LIN7C: variants seen among roughly 807,000 people sequenced by gnomAD.
LIN7C encodes protein lin-7 homolog C.
A neutral mutation model predicts 24.7 loss-of-function variants in LIN7C; 17 were observed. The ratio of observed to expected loss-of-function variants is 0.69; its 90% CI spans 0.47 to 1.03. LIN7C has a LOEUF of 1.03. LIN7C is among the 50% of genes least tolerant of loss of function. LIN7C has a pLI of 0.00. For synonymous variants in LIN7C, 90 were observed against 83.4 expected (o/e 1.08, Z -0.43); for missense variants, 204 against 239.0 (o/e 0.85, Z 0.97).
At position 27,499,410 on chromosome 11, in the gene LIN7C, A is replaced by G. The variant is rs375407727; in HGVS notation, c.387T>C (p.Asp129=). 1.9e-6 allele frequency: 3 copies of G among 1,613,976 alleles called. No homozygotes were observed. The African/African-American group carries it at 4.0e-5, about 22-fold the overall frequency. The change falls in exon 4 of 5, where the codon GAT becomes GAC. Residue 129 remains aspartate (D), a synonymous_variant. Coordinates refer to ENST00000278193, the MANE Select transcript of LIN7C (RefSeq NM_018362.4). The part of the protein sequence containing the change: ...ISRIIPGGIA[D]RHGGLKRGDQ... ...CTCCACGTTTGAGGCCCCCATGTCTATCAGCAATTCCACCTGGAATTATTC... is the reference window on the plus strand; with the variant it reads ...CTCCACGTTTGAGGCCCCCATGTCTGTCAGCAATTCCACCTGGAATTATTC...
At chr11:27,500,938 CTGA>C (rs1244531742) in intron 3 of LIN7C, among the ~76,000 whole-genome samples, 1 of 152,196 alleles carries the variant, frequency 6.6e-6, no homozygotes, top group Non-Finnish European at 1.5e-5. Context: ...TCACCGACTG[CTGA>C]TATTACCCTG....
At chr11:27,504,792 G>T (rs1348763611) in intron 1 of LIN7C, among the ~76,000 whole-genome samples, 2 of 152,042 alleles carry the variant, frequency 1.3e-5, no homozygotes, top group Admixed American at 6.6e-5. Context: ...CATTGTTTAG[G>T]GAATAAGGAC....
In LIN7C at chr11:27,501,938, C is replaced by A. The variant is rs370494030; in HGVS notation, c.38-18G>T. 4 of 1,470,284 alleles carry A rather than the reference C, an allele frequency of 2.7e-6. No individual in the cohort carries two copies. The highest frequency in any genetic ancestry group is 2.3e-5 in the East Asian group (1 of 44,216). 91.1% of individuals were successfully genotyped at this position (1,470,284 alleles called of 1,614,324 possible). A position where few individuals can be genotyped will look rare whatever the true frequency, so the allele number is the denominator to read the frequency against. ...ACAAATATCTAGAGTTAAACACACACACAGATAATTTTCTCCAAGGGTTTT... is the reference window on the plus strand; with the variant it reads ...ACAAATATCTAGAGTTAAACACACAAACAGATAATTTTCTCCAAGGGTTTT... On this transcript the variant is annotated intron_variant, in intron 1 of 4. Transcript: ENST00000278193.
At chr11:27,499,314 T>C in intron 4 of LIN7C, 45 bp downstream of exon 4, 2 of 1,517,706 alleles carry the variant, frequency 1.3e-6, no homozygotes, top group Non-Finnish European at 1.8e-6. Flanking sequence ...CGCCCCCAGG[T>C]GGTCACAACA....
chr11:27,499,906 C>T (rs555587323), intron 3 of LIN7C, among the ~76,000 whole-genome samples: 5 of 152,166 alleles, frequency 3.3e-5, no homozygotes, highest in East Asian at 3.8e-4. Flanking sequence ...GGATTACAGG[C>T]GTGAGCCACT....
intron 1 of LIN7C, among the ~76,000 whole-genome samples, chr11:27,503,575 G>A (rs557790294): frequency 1.3e-5 from 2 of 151,450 alleles, no homozygotes; most frequent in East Asian, 2.0e-4. Flanking sequence ...GTGCAGTGGC[G>A]CAATCTCCAC....
rs1372322480 is a variant in LIN7C at position 27,496,475 on chromosome 11, T to G, written c.*2174A>C. 3.9e-5 allele frequency: 6 copies of G among 152,220 alleles called. No homozygotes were observed. Among genetic ancestry groups the G allele is most frequent in the African/African-American group, 1.2e-4 (5 of 41,466 alleles). The allele number at this position is 152,220 out of a possible 1,614,324, so 9.4% of individuals were successfully genotyped here. On this transcript the variant is annotated 3_prime_UTR_variant, in exon 5 of 5. Coordinates refer to ENST00000278193, the MANE Select transcript of LIN7C (RefSeq NM_018362.4). ...TTGCCAATGAATGACTGTATTTTTC[T>G]ATGGTCAAGATTTAAAATTCTGGGA...
At chr11:27,501,391 T>TAC in intron 3 of LIN7C, 104 bp downstream of exon 3, 2 of 730,964 alleles carry the variant, frequency 2.7e-6, no homozygotes, top group African/African-American at 1.9e-5. Context: ...GCTTGAAAGA[T>TAC]ACATGTTAGT....
rs1865146679 is a variant in LIN7C at position 27,494,765 on chromosome 11, A to C, written c.*3884T>G. 6.6e-6 allele frequency: 1 copy of C among 152,256 alleles called. No individual in the cohort carries two copies. Among genetic ancestry groups the C allele is most frequent in the South Asian group, 2.1e-4 (1 of 4,838 alleles). The allele number at this position is 152,256 out of a possible 1,614,324, so 9.4% of individuals were successfully genotyped here. A position where few individuals can be genotyped will look rare whatever the true frequency, so the allele number is the denominator to read the frequency against. On this transcript the variant is annotated 3_prime_UTR_variant, in exon 5 of 5. Transcript: ENST00000278193. ...CAAATTAGTCTCAAAGTTCTTGAAA[A>C]TTAATAAGTGATTTTTCTCACTACT...
At chr11:27,502,966 T>C (rs1565114273) in intron 1 of LIN7C, among the ~76,000 whole-genome samples, 1 of 151,972 alleles carries the variant, frequency 6.6e-6, no homozygotes, top group African/African-American at 2.4e-5. Flanking sequence ...AATACAAAAA[T>C]TAGCCAGGCA....
Position 27,499,576 on chromosome 11 carries a change from A to G in LIN7C, c.229-8T>C, listed in dbSNP as rs745813915. ...AAATGCAGCAACAGTAGCCTGAAAG[A>G]AAGTTTTACATATTAAAAATATGAC... is the stretch of plus-strand genomic sequence containing the variant. On this transcript the variant is annotated splice_region_variant and splice_polypyrimidine_tract_variant and intron_variant, in intron 3 of 4. Coordinates refer to ENST00000278193, the MANE Select transcript of LIN7C (RefSeq NM_018362.4). 23 of 1,609,394 alleles carry G rather than the reference A, an allele frequency of 1.4e-5. No homozygotes were observed. The highest frequency in any genetic ancestry group is 1.8e-5 in the Non-Finnish European group (21 of 1,176,812).
rs186386542 is a variant in LIN7C, at chr11:27,497,872, T to C, written c.*777A>G. ...GAAATCTGAACCTGTTTTGCATTTA[T>C]AATTTGATGTACGGTTGAACATAAA... On this transcript the variant is annotated 3_prime_UTR_variant, in exon 5 of 5. Transcript: ENST00000278193. 1 of 152,294 alleles carries C rather than the reference T, an allele frequency of 6.6e-6. No individual in the cohort carries two copies. Among genetic ancestry groups the C allele is most frequent in the East Asian group, 1.9e-4 (1 of 5,188 alleles). 9.4% of individuals were successfully genotyped at this position (152,294 alleles called of 1,614,324 possible). A position where few individuals can be genotyped will look rare whatever the true frequency, so the allele number is the denominator to read the frequency against.
At chr11:27,501,247 A>C (rs1305234293) in intron 3 of LIN7C, among the ~76,000 whole-genome samples, 1 of 152,142 alleles carries the variant, frequency 6.6e-6, no homozygotes, top group Non-Finnish European at 1.5e-5. Flanking sequence ...TACATATTGT[A>C]TGCAAGTACA....
intron 1 of LIN7C, 35 bp from the exon 2 acceptor site, chr11:27,501,955 A>C: frequency 7.3e-7 from 1 of 1,369,170 alleles, no homozygotes; most frequent in Non-Finnish European, 1.0e-6. Flanking sequence ...AATTTTCTCC[A>C]AGGGTTTTCT....
intron 1 of LIN7C, among the ~76,000 whole-genome samples, chr11:27,503,696 T>C (rs1313658060): frequency 6.6e-6 from 1 of 152,080 alleles, no homozygotes; most frequent in African/African-American, 2.4e-5. Flanking sequence ...GTATTTTTAG[T>C]AGAGACAGGG....
intron 3 of LIN7C, among the ~76,000 whole-genome samples, chr11:27,500,406 A>G (rs1316952917): frequency 6.6e-6 from 1 of 152,204 alleles, no homozygotes; most frequent in Non-Finnish European, 1.5e-5. Flanking sequence ...TATTGAGAAA[A>G]AGAGAGGTAC....
Position 27,498,816 on chromosome 11 carries a change from A to G in LIN7C, c.439-12T>C. The G allele has an allele frequency of 6.2e-7, 1 of 1,607,260 alleles. No individual in the cohort carries two copies. Among genetic ancestry groups the G allele is most frequent in the Non-Finnish European group, 8.5e-7 (1 of 1,177,944 alleles). ...TCTCCTTCAACACTCTAGGGGAAAA[A>G]AAAACAACCAACCATACACTAATAT... On this transcript the variant is annotated splice_polypyrimidine_tract_variant and intron_variant, in intron 4 of 4. Coordinates refer to ENST00000278193, the MANE Select transcript of LIN7C (RefSeq NM_018362.4).
rs1374658541 is a variant in LIN7C, at chr11:27,499,577, A to C, written c.229-9T>G. 6.2e-7 allele frequency: 1 copy of C among 1,609,326 alleles called. No homozygotes were observed. The highest frequency in any genetic ancestry group is 2.2e-5 in the East Asian group (1 of 44,868). ...AATGCAGCAACAGTAGCCTGAAAGA[A>C]AGTTTTACATATTAAAAATATGACT... On this transcript the variant is annotated splice_polypyrimidine_tract_variant and intron_variant, in intron 3 of 4. Transcript: ENST00000278193.
chr11:27,499,047 C>T (rs1438752067), intron 4 of LIN7C, among the ~76,000 whole-genome samples: 1 of 152,048 alleles, frequency 6.6e-6, no homozygotes, highest in Non-Finnish European at 1.5e-5. Flanking sequence ...GCATATTAAT[C>T]TATATGCCTT....
Sources: allele counts gnomAD v4.1 joint callset (sites outside exome capture counted in the v4.1 genomes callset), GRCh38; gene constraint gnomAD v4.1.1; transcripts MANE v1.5; gene names NCBI Gene and HGNC (gene_info 2026-07-23, HGNC 2026-07-21).